Variants in TRIP4 observed in about 807,000 individuals in gnomAD.
TRIP4 encodes the protein activating signal cointegrator 1.
Under a neutral mutation model 81.8 loss-of-function variants are expected in TRIP4, and 54 were observed. The observed-to-expected ratio is 0.66, with a 90% CI of 0.53 to 0.83. The LOEUF is 0.83. Ranked by LOEUF, TRIP4 falls within the 40% of genes least tolerant of loss-of-function variation. The pLI is 0.00. For missense variants in TRIP4, 662 were observed against 683.6 expected, an observed-to-expected ratio of 0.97 and a Z score of 0.35; for synonymous variants, 270 against 242.8, an observed-to-expected ratio of 1.11 and a Z score of -1.04.
chr15:64,455,041 A>G lies in TRIP4; in HGVS notation c.1723A>G (p.Met575Val), dbSNP rs367809794. Reference sequence around the variant, plus strand: ...CCATCAAGGAGCAAAGAAGGGGTTAATGAAGCAGAATAAAGCTGTCTGACC... The same window carrying G: ...CCATCAAGGAGCAAAGAAGGGGTTAGTGAAGCAGAATAAAGCTGTCTGACC... ...KIHQGAKKGL[M>V]KQNKAV Residue 575 changes from methionine to valine, a missense_variant, in exon 13 of 13, where the codon ATG (methionine) becomes GTG (valine). Physicochemically the swap from Met to Val is conservative, Grantham distance 21. Transcript: ENST00000261884. 131 of 1,614,104 alleles carry G rather than the reference A, an allele frequency of 8.1e-5. No individual in the cohort carries two copies. The Admixed American group carries it at 1.3e-3, about 16-fold the overall frequency.
chr15:64,431,848 T>TATATATA (rs879733141), intron 11 of TRIP4, among the ~76,000 whole-genome samples: 4 of 8,270 alleles, frequency 4.8e-4, no homozygotes, highest in African/African-American at 4.4e-4. Flanking sequence ...TATATATATA[T>TATATATA]TTTTTTTATC....
intron 11 of TRIP4, among the ~76,000 whole-genome samples, chr15:64,437,256 TA>T (rs1005501936): frequency 4.5e-5 from 1 of 22,072 alleles, no homozygotes; most frequent in African/African-American, 1.2e-4. Context: ...CTGTGTCTAC[TA>T]AAGATTAAAA....
Position 64,397,661 on chromosome 15 carries a change from CAA to C in TRIP4, c.462_463del (p.Glu156GlyfsTer16), listed in dbSNP as rs1566972371. 6 of 1,614,170 alleles carry C rather than the reference CAA, an allele frequency of 3.7e-6. No individual in the cohort carries two copies. The highest frequency in any genetic ancestry group is 5.1e-6 in the Non-Finnish European group (6 of 1,180,008). ...AAGACAAAGTTTGTCAATTTATACACAAGAGAGGGACAGGACAGGCTTGCAGT... is the reference window on the plus strand; with the variant it reads ...AAGACAAAGTTTGTCAATTTATACACGAGAGGGACAGGACAGGCTTGCAGT... On this transcript the variant is annotated frameshift_variant, in exon 4 of 13. Coordinates refer to ENST00000261884, the MANE Select transcript of TRIP4 (RefSeq NM_016213.5). LOFTEE classifies it high-confidence loss of function.
intron 7 of TRIP4, among the ~76,000 whole-genome samples, chr15:64,413,331 C>T (rs1443083934): frequency 1.3e-5 from 2 of 152,090 alleles, no homozygotes; most frequent in South Asian, 4.2e-4. Flanking sequence ...CAGGTGTGAG[C>T]CACCATGCCC....
At chr15:64,393,905 A>G (rs762721062) in intron 1 of TRIP4, 41 bp from the exon 2 acceptor site, 1 of 1,527,636 alleles carries the variant, frequency 6.5e-7, no homozygotes, top group South Asian at 1.3e-5. Context: ...AAACAGTGTA[A>G]GTTAGTCTTG....
intron 5 of TRIP4, among the ~76,000 whole-genome samples, chr15:64,403,801 T>A (rs1056988275): frequency 6.6e-6 from 1 of 152,226 alleles, no homozygotes; most frequent in African/African-American, 2.4e-5. Flanking sequence ...AGCTTTTGAT[T>A]TACTTCCTTG....
chr15:64,448,548 C>A (rs1328585637), intron 12 of TRIP4, among the ~76,000 whole-genome samples: 2 of 152,144 alleles, frequency 1.3e-5, no homozygotes, highest in Non-Finnish European at 2.9e-5. Context: ...ACTGCAACTT[C>A]CATCTCCCAG....
At position 64,409,621 on chromosome 15, in the gene TRIP4, G is replaced by A. The variant is rs1294699486; in HGVS notation, c.836G>A (p.Arg279Lys). The change falls in exon 7 of 13, where the codon AGG becomes AAG. Residue 279 changes from arginine (R) to lysine (K), a missense_variant. Transcript: ENST00000261884. Reference protein sequence around the residue: ...LLEFDRTSIRRTQVIDDESDY... With the variant: ...LLEFDRTSIRKTQVIDDESDY... ...TGTTCCCTTTTTCTCAGTATTCGAA[G>A]GACCCAAGTCATTGATGATGAGTCA... The A allele has an allele frequency of 2.5e-6, 4 of 1,613,914 alleles. No homozygotes were observed. Among genetic ancestry groups the A allele is most frequent in the Non-Finnish European group, 3.4e-6 (4 of 1,179,992 alleles).
At chr15:64,412,069 A>T (rs8039503) in intron 7 of TRIP4, among the ~76,000 whole-genome samples, 126,375 of 152,156 alleles carry the variant, frequency 0.83, 54,916 homozygotes, top group East Asian at 0.96. Context: ...TTTTAAAAAA[A>T]TTGCCATTTT....
chr15:64,425,826 G>T (rs1229883309), intron 11 of TRIP4, among the ~76,000 whole-genome samples, 195 bp downstream of exon 11: 1 of 152,186 alleles, frequency 6.6e-6, no homozygotes. Flanking sequence ...GCTCAGGCCT[G>T]TAATCCCAAC....
chr15:64,420,256 G>C (rs913710844), intron 9 of TRIP4, among the ~76,000 whole-genome samples: 1 of 151,570 alleles, frequency 6.6e-6, no homozygotes, highest in Non-Finnish European at 1.5e-5. Context: ...TGAGTAGCTG[G>C]GTTCACACGC....
intron 5 of TRIP4, among the ~76,000 whole-genome samples, chr15:64,403,264 C>A (rs928914539): frequency 6.6e-6 from 1 of 152,176 alleles, no homozygotes; most frequent in African/African-American, 2.4e-5. Context: ...TCAAGCGATT[C>A]TCCTGCCTCA....
intron 12 of TRIP4, among the ~76,000 whole-genome samples, chr15:64,454,288 T>C (rs1892837367): frequency 6.6e-6 from 1 of 152,056 alleles, no homozygotes; most frequent in Non-Finnish European, 1.5e-5. Flanking sequence ...ATTCTCCTAA[T>C]GAGATGGATG....
At chr15:64,437,066 T>G (rs1280212766) in intron 11 of TRIP4, among the ~76,000 whole-genome samples, 1 of 151,588 alleles carries the variant, frequency 6.6e-6, no homozygotes, top group East Asian at 2.0e-4. Context: ...GAGCCTGCCA[T>G]GTAGTAGGTG....
intron 5 of TRIP4, among the ~76,000 whole-genome samples, chr15:64,402,018 GA>G (rs1002467210): frequency 6.6e-6 from 1 of 151,922 alleles, no homozygotes; most frequent in Non-Finnish European, 1.5e-5. Flanking sequence ...ACATTAATGG[GA>G]AAAAAATGTT....
chr15:64,390,384 C>T (rs914079633), intron 1 of TRIP4, among the ~76,000 whole-genome samples: 3 of 151,022 alleles, frequency 2.0e-5, no homozygotes, highest in African/African-American at 7.3e-5. Flanking sequence ...ATCCCTTGAA[C>T]CGCGGGGCAG....
chr15:64,415,419 A>T (rs1891872835), intron 8 of TRIP4, among the ~76,000 whole-genome samples: 1 of 152,208 alleles, frequency 6.6e-6, no homozygotes, highest in Admixed American at 6.5e-5. Context: ...ACAGAAATTT[A>T]TTATCCCATA....
At chr15:64,421,373 G>A (rs570944027) in intron 9 of TRIP4, among the ~76,000 whole-genome samples, 31 of 145,840 alleles carry the variant, frequency 2.1e-4, no homozygotes, top group Admixed American at 7.6e-4. Context: ...ATCTCGCTCT[G>A]TTGCCCAGGC....
intron 9 of TRIP4, 67 bp downstream of exon 9, chr15:64,418,795 G>T: frequency 7.1e-7 from 1 of 1,415,758 alleles, no homozygotes; most frequent in Non-Finnish European, 9.4e-7. Context: ...TTAGAAATAT[G>T]AATTGGAATT....
Sources: gnomAD v4.1 joint callset for allele counts (sites outside exome capture counted in the v4.1 genomes callset) on GRCh38, gnomAD v4.1.1 for gene constraint, MANE v1.5 for transcripts, NCBI Gene and HGNC (gene_info 2026-07-23, HGNC 2026-07-21) for gene names.